ZBTB16: variants seen among roughly 807,000 people sequenced by gnomAD.
ZBTB16 encodes zinc finger and BTB domain containing 16, also known as zinc finger and BTB domain-containing protein 16.
In ZBTB16, 8 loss-of-function variants were observed where a neutral mutation model predicts 56.8. The ratio of observed to expected loss-of-function variants is 0.14; its 90% CI spans 0.08 to 0.25. The LOEUF (loss-of-function observed/expected upper bound fraction) is 0.25, where lower values mean the gene tolerates loss of function less well. Ranked by LOEUF, ZBTB16 falls within the 10% of genes least tolerant of loss-of-function variation. The pLI, the probability that ZBTB16 is intolerant of heterozygous loss-of-function variation, is 1.00. For missense variants in ZBTB16, 625 were observed against 903.0 expected, an observed-to-expected ratio of 0.69 and a Z score of 3.95; for synonymous variants, 363 against 368.5, an observed-to-expected ratio of 0.98 and a Z score of 0.17.
intron 4 of ZBTB16, among the ~76,000 whole-genome samples, chr11:114,202,119 G>A (rs541470931): frequency 6.6e-6 from 1 of 152,314 alleles, no homozygotes; most frequent in South Asian, 2.1e-4. Context: ...GCACTCAGAG[G>A]TCAGGGCTGC....
At chr11:114,226,717 A>G (rs1003175669) in intron 4 of ZBTB16, among the ~76,000 whole-genome samples, 2 of 152,108 alleles carry the variant, frequency 1.3e-5, no homozygotes, top group African/African-American at 2.4e-5. Context: ...ACACCACCTG[A>G]CATGACCTTG....
At chr11:114,243,753 C>T (rs1944760862) in intron 5 of ZBTB16, among the ~76,000 whole-genome samples, 1 of 152,180 alleles carries the variant, frequency 6.6e-6, no homozygotes, top group South Asian at 2.1e-4. Flanking sequence ...GGCTAGATAC[C>T]TTTCAGCCAC....
rs570655458 is a variant in ZBTB16 at position 114,176,266 on chromosome 11, G to A, written c.1367-10686G>A. ...GTGATTGTTGGTGTTTAGGAGTTGCGGAGATGTCCCATAAAATCATGGCAG... is the reference window on the plus strand; with the variant it reads ...GTGATTGTTGGTGTTTAGGAGTTGCAGAGATGTCCCATAAAATCATGGCAG... On this transcript the variant is annotated intron_variant, in intron 3 of 6. Coordinates refer to ENST00000335953, the MANE Select transcript of ZBTB16 (RefSeq NM_006006.6). 2.4e-4 allele frequency among the ~76,000 whole-genome samples: 37 copies of A among 152,238 alleles called. No individual in the cohort carries two copies. The South Asian group carries it at 4.1e-3, about 17-fold the overall frequency.
intron 4 of ZBTB16, among the ~76,000 whole-genome samples, chr11:114,190,233 T>C (rs932155275): frequency 1.3e-5 from 2 of 152,162 alleles, no homozygotes; most frequent in Non-Finnish European, 2.9e-5. Flanking sequence ...CTAAAATTGA[T>C]TGTGGTGATG....
At chr11:114,111,377 C>A (rs1334591824) in intron 2 of ZBTB16, among the ~76,000 whole-genome samples, 1 of 152,156 alleles carries the variant, frequency 6.6e-6, no homozygotes, top group East Asian at 1.9e-4. Context: ...TTATTTCTTT[C>A]TTCCCTCCAT....
At position 114,073,071 on chromosome 11, in the gene ZBTB16, A is replaced by T. The variant is rs1489560558; in HGVS notation, c.1268+8503A>T. Among the ~76,000 whole-genome samples the T allele has an allele frequency of 2.0e-5, 3 of 151,712 alleles. No individual in the cohort carries two copies. In the East Asian group the frequency reaches 5.8e-4, roughly 29 times the overall value. On this transcript the variant is annotated intron_variant, in intron 2 of 6. Transcript: ENST00000335953. The stretch of plus-strand genomic sequence containing the variant: ...ACTGTCTCAAAAAAAAAAAAAAAAA[A>T]AAAAGAGTTGTACCAGGATTTATGT...
At chr11:114,169,694 T>C (rs1342697123) in intron 3 of ZBTB16, among the ~76,000 whole-genome samples, 1 of 152,128 alleles carries the variant, frequency 6.6e-6, no homozygotes, top group Non-Finnish European at 1.5e-5. Flanking sequence ...AGAGAAGGCG[T>C]TGAGCAAGGC....
chr11:114,209,641 TC>T, intron 4 of ZBTB16: 1 of 985,250 alleles, frequency 1.0e-6, no homozygotes, highest in African/African-American at 1.7e-5. Flanking sequence ...TGGTGACTAT[TC>T]CCCCAACCAG....
At position 114,063,087 on chromosome 11, in the gene ZBTB16, A is replaced by G; in HGVS notation, c.-90-124A>G. ...TTAAAATCTCTAAGATCCTCTTGCT[A>G]AGGGCTTGGCAACAGGGAGGAGGGG... On this transcript the variant is annotated intron_variant, in intron 1 of 6. Transcript: ENST00000335953. This position sits in a 1 kb window ranked among gnomAD's most constrained non-coding sequence, Gnocchi z 6.5. 1 of 595,866 alleles carries G rather than the reference A, an allele frequency of 1.7e-6. No individual in the cohort carries two copies. The highest frequency in any genetic ancestry group is 3.0e-6 in the Non-Finnish European group (1 of 336,404). 36.9% of individuals were successfully genotyped at this position (595,866 alleles called of 1,614,324 possible). A position where few individuals can be genotyped will look rare whatever the true frequency, so the allele number is the denominator to read the frequency against.
intron 2 of ZBTB16, among the ~76,000 whole-genome samples, chr11:114,147,903 G>T (rs1337832403): frequency 6.6e-6 from 1 of 152,214 alleles, no homozygotes; most frequent in Non-Finnish European, 1.5e-5. Context: ...GAAAGAGACT[G>T]TATGAGATTG....
At chr11:114,247,600 T>G (rs185529956) in intron 6 of ZBTB16, among the ~76,000 whole-genome samples, 12 of 152,260 alleles carry the variant, frequency 7.9e-5, no homozygotes, top group African/African-American at 2.4e-4. Context: ...CAGCACACTT[T>G]CCAGTGAGCC....
At chr11:114,179,909 T>A (rs542273) in intron 3 of ZBTB16, among the ~76,000 whole-genome samples, 54,307 of 151,880 alleles carry the variant, frequency 0.36, 10,171 homozygotes, top group African/African-American at 0.46. Flanking sequence ...AGGGAGCTTG[T>A]CATGGCTTCC....
chr11:114,222,274 A>G (rs1215441636), intron 4 of ZBTB16, among the ~76,000 whole-genome samples: 9 of 152,186 alleles, frequency 5.9e-5, no homozygotes, highest in Non-Finnish European at 1.3e-4. Context: ...AGTATCATCC[A>G]TGCTGTTTAA....
At chr11:114,228,823 C>T (rs542873577) in intron 4 of ZBTB16, among the ~76,000 whole-genome samples, 1 of 152,214 alleles carries the variant, frequency 6.6e-6, no homozygotes, top group South Asian at 2.1e-4. Context: ...TCCAAGGGCT[C>T]AATGCAGAAG....
chr11:114,106,808 T>C (rs1565628922), intron 2 of ZBTB16, among the ~76,000 whole-genome samples: 1 of 152,122 alleles, frequency 6.6e-6, no homozygotes, highest in Non-Finnish European at 1.5e-5. Flanking sequence ...GAAATCTAGC[T>C]CTTTTTCATT....
At chr11:114,088,140 CTTTTTTTTT>C (rs10695166) in intron 2 of ZBTB16, among the ~76,000 whole-genome samples, 1 of 123,082 alleles carries the variant, frequency 8.1e-6, no homozygotes, top group South Asian at 2.7e-4. Flanking sequence ...CCAGATACTT[CTTTTTTTTT>C]TTTTTTTTTT....
intron 3 of ZBTB16, 97 bp from the exon 4 acceptor site, chr11:114,186,855 C>A: frequency 8.2e-7 from 1 of 1,212,190 alleles, no homozygotes; most frequent in Non-Finnish European, 1.2e-6. Context: ...GTGTCCAGTC[C>A]CCTTCCCTAG....
Position 114,195,216 on chromosome 11 carries a change from A to G in ZBTB16, c.1453+8178A>G, listed in dbSNP as rs141189036. Among the ~76,000 whole-genome samples the G allele has an allele frequency of 3.4e-3, 520 of 152,278 alleles. 2 individuals are homozygous for G. The highest frequency in any genetic ancestry group is 5.3e-3 in the African/African-American group (222 of 41,556). On this transcript the variant is annotated intron_variant, in intron 4 of 6. Coordinates refer to ENST00000335953, the MANE Select transcript of ZBTB16 (RefSeq NM_006006.6). ...TAACTTGGCTGCTGAGCTCCAGGGT[A>G]GGAGGCCGGGCAGTCTTCAGCATGC...
rs183444525 is a variant in ZBTB16, at chr11:114,076,643, C to T, written c.1268+12075C>T. 9.6e-3 allele frequency among the ~76,000 whole-genome samples: 1,442 copies of T among 150,542 alleles called. 9 individuals are homozygous for T. The highest frequency in any genetic ancestry group is 0.031 in the Middle Eastern group (9 of 292). ...TTCCCCCCACCCCCACCCCCGCCCC[C>T]TTGGCAGAAGGGATAAAGATGGTAC... On this transcript the variant is annotated intron_variant, in intron 2 of 6. Transcript: ENST00000335953.
Sources: gnomAD v4.1 joint callset for allele counts (sites outside exome capture counted in the v4.1 genomes callset) on GRCh38, gnomAD v4.1.1 for gene constraint, Gnocchi (gnomAD v3.1) non-coding constraint, MANE v1.5 for transcripts, NCBI Gene and HGNC (gene_info 2026-07-23, HGNC 2026-07-21) for gene names.